USP39: variants seen among roughly 807,000 people sequenced by gnomAD.
USP39 encodes the protein ubiquitin specific peptidase 39.
In USP39, 38 loss-of-function variants were observed where a neutral mutation model predicts 66.4. The ratio of observed to expected loss-of-function variants is 0.57; its 90% CI spans 0.44 to 0.75. The LOEUF is 0.75. Ranked by LOEUF, USP39 falls within the 30% of genes least tolerant of loss-of-function variation. USP39 has a pLI of 0.00. For missense variants in USP39, 608 were observed against 714.4 expected, an observed-to-expected ratio of 0.85 and a Z score of 1.70; for synonymous variants, 303 against 274.6, an observed-to-expected ratio of 1.10 and a Z score of -1.02.
upstream of USP39, among the ~76,000 whole-genome samples, chr2:85,615,446 G>A (rs1464658973): frequency 6.6e-6 from 1 of 152,174 alleles, no homozygotes; most frequent in African/African-American, 2.4e-5. Context: ...TGGTAAATCT[G>A]CCTTTACCGG....
intron 1 of USP39, among the ~76,000 whole-genome samples, chr2:85,617,958 CT>C (rs34086230): frequency 6.5e-4 from 94 of 144,396 alleles, no homozygotes; most frequent in Non-Finnish European, 5.4e-4. Context: ...CATGTACATT[CT>C]TTTTTTTTTT....
chr2:85,641,709 C>T (rs2104345679), intron 10 of USP39, among the ~76,000 whole-genome samples: 1 of 151,964 alleles, frequency 6.6e-6, no homozygotes, highest in Admixed American at 6.6e-5. Context: ...CAAGACCAGC[C>T]TAGGCAACAT....
At chr2:85,620,198 T>C (rs1326741104) in intron 2 of USP39, among the ~76,000 whole-genome samples, 1 of 148,414 alleles carries the variant, frequency 6.7e-6, no homozygotes, top group African/African-American at 2.5e-5. Flanking sequence ...AAAAAAGTTA[T>C]GGCCGGGTGC....
chr2:85,604,750 C>G (rs1023243555), intron 1 of USP39, among the ~76,000 whole-genome samples: 1 of 152,250 alleles, frequency 6.6e-6, no homozygotes, highest in Non-Finnish European at 1.5e-5. Context: ...CTTATCTGCC[C>G]AATGGGGCTG....
upstream of USP39, among the ~76,000 whole-genome samples, chr2:85,612,962 C>CTTTTTTTT (rs374731788): frequency 6.9e-6 from 1 of 144,732 alleles, no homozygotes; most frequent in Non-Finnish European, 1.5e-5. Context: ...TGCCCGGCCC[C>CTTTTTTTT]TTTTTTTTTT....
upstream of USP39, among the ~76,000 whole-genome samples, chr2:85,612,920 C>G (rs1261311663): frequency 2.2e-4 from 33 of 151,604 alleles, no homozygotes; most frequent in Non-Finnish European, 2.9e-5. Context: ...CTCGGCCTCC[C>G]AAAGTGTTGG....
chr2:85,634,065 C>G (rs1039193190), intron 6 of USP39, among the ~76,000 whole-genome samples: 2 of 150,646 alleles, frequency 1.3e-5, no homozygotes, highest in Non-Finnish European at 3.0e-5. Flanking sequence ...TCTCGATCTC[C>G]TGACCTCGTG....
chr2:85,615,306 C>T (rs573872463), upstream of USP39, among the ~76,000 whole-genome samples: 1 of 152,210 alleles, frequency 6.6e-6, no homozygotes, highest in East Asian at 1.9e-4. Context: ...AGGCATGAGC[C>T]ACAGCGCCTG....
At chr2:85,620,371 TGGG>T (rs1424757136) in intron 2 of USP39, among the ~76,000 whole-genome samples, 1 of 150,922 alleles carries the variant, frequency 6.6e-6, no homozygotes, top group Non-Finnish European at 1.5e-5. Context: ...CCCAGCTTCT[TGGG>T]GGGCTGAAGC....
In USP39 at chr2:85,640,055, TAGAG is replaced by T. The variant is rs1033566840; in HGVS notation, c.1284+669_1284+672del. On this transcript the variant is annotated intron_variant, in intron 9 of 12. Coordinates refer to ENST00000323701, the MANE Select transcript of USP39 (RefSeq NM_006590.4). ...CACCACATCCAACTAAGTATTTTTGTAGAGAGAGTGCTCACTTTGTTGCCCAGGC... is the reference window on the plus strand; with the variant it reads ...CACCACATCCAACTAAGTATTTTTGTAGAGTGCTCACTTTGTTGCCCAGGC... 3.4e-3 allele frequency among the ~76,000 whole-genome samples: 522 copies of T among 151,938 alleles called. 5 individuals are homozygous for T. The highest frequency in any genetic ancestry group is 0.012 in the African/African-American group (506 of 41,360).
intron 9 of USP39, among the ~76,000 whole-genome samples, chr2:85,640,630 CT>C (rs1290808649): frequency 1.4e-5 from 2 of 139,484 alleles, no homozygotes; most frequent in South Asian, 2.2e-4. Context: ...TTTTTTTTTT[CT>C]TTTTTTTTCT....
chr2:85,623,108 T>C (rs1674586707), intron 3 of USP39, among the ~76,000 whole-genome samples: 1 of 152,130 alleles, frequency 6.6e-6, no homozygotes, highest in Non-Finnish European at 1.5e-5. Flanking sequence ...TGGCAGGACA[T>C]AGAATTTGAA....
rs887527600 is a variant in USP39, at chr2:85,616,245, G to A, written c.50G>A (p.Arg17Gln). The change falls in exon 1 of 13, where the codon CGA becomes CAA. Residue 17 changes from arginine (R) to glutamine (Q), a missense_variant. Around this residue, in one of 6 missense-constraint regions of USP39, gnomAD observed 207 missense variants for 145.7 expected, o/e 1.42. Transcript: ENST00000323701. Reference sequence around the variant, plus strand: ...TCTCGCGGTTCCACTCGCGGGAAGCGAGAGTCTGAGTCGCGGGGCAGCTCC... The same window carrying A: ...TCTCGCGGTTCCACTCGCGGGAAGCAAGAGTCTGAGTCGCGGGGCAGCTCC... ...RESRGSTRGK[R>Q]ESESRGSSGR... 3 of 1,498,632 alleles carry A rather than the reference G, an allele frequency of 2.0e-6. No individual in the cohort carries two copies. Among genetic ancestry groups the A allele is most frequent in the Non-Finnish European group, 2.7e-6 (3 of 1,121,774 alleles). 92.8% of individuals were successfully genotyped at this position (1,498,632 alleles called of 1,614,324 possible).
At chr2:85,611,780 G>A, upstream of USP39, 1 of 1,612,000 alleles carries the variant, frequency 6.2e-7, no homozygotes, top group Non-Finnish European at 8.5e-7. Context: ...TCTTGTCATA[G>A]TCGTCCCTGC....
At chr2:85,614,662 A>G (rs1459777231), upstream of USP39, among the ~76,000 whole-genome samples, 3 of 152,246 alleles carry the variant, frequency 2.0e-5, no homozygotes, top group Admixed American at 6.5e-5. Context: ...GTGCTCTGCT[A>G]CAAGGGTTTG....
intron 5 of USP39, among the ~76,000 whole-genome samples, chr2:85,629,897 G>A (rs1482491067): frequency 6.6e-6 from 1 of 152,080 alleles, no homozygotes; most frequent in Non-Finnish European, 1.5e-5. Context: ...TGGAGGCAGA[G>A]GTTGCAGTGA....
upstream of USP39, chr2:85,612,364 T>A (rs748750755): frequency 3.1e-5 from 47 of 1,535,978 alleles, no homozygotes; most frequent in Non-Finnish European, 4.1e-5. Context: ...TTTCTGGTAA[T>A]AGGATGCTGT....
rs1267442916 is a variant in USP39 at position 85,621,497 on chromosome 2, C to T, written c.351C>T (p.Asp117=). The stretch of plus-strand genomic sequence containing the variant: ...TTTGTTTCCTTAGGAGTGTGCTGGA[C>T]TTTGACTTTGAGAAACTGTGTTCTA... The part of the protein sequence containing the change: ...YLDTINRSVL[D]FDFEKLCSIS... The change falls in exon 3 of 13, where the codon GAC becomes GAT. Residue 117 remains aspartate (D), a synonymous_variant. Coordinates refer to ENST00000323701, the MANE Select transcript of USP39 (RefSeq NM_006590.4). 6 of 1,614,070 alleles carry T rather than the reference C, an allele frequency of 3.7e-6. No homozygotes were observed. The highest frequency in any genetic ancestry group is 4.5e-5 in the East Asian group (2 of 44,882).
At chr2:85,644,727 T>G (rs1428332792) in intron 10 of USP39, among the ~76,000 whole-genome samples, 1 of 152,100 alleles carries the variant, frequency 6.6e-6, no homozygotes, top group Non-Finnish European at 1.5e-5. Flanking sequence ...GTCATTCTTT[T>G]TTTTTTTTTT....
Sources: gnomAD v4.1 joint callset for allele counts (sites outside exome capture counted in the v4.1 genomes callset) on GRCh38, gnomAD v4.1.1 for gene constraint, gnomAD v4.1.1 regional missense constraint, MANE v1.5 for transcripts, NCBI Gene and HGNC (gene_info 2026-07-23, HGNC 2026-07-21) for gene names.